CEP152: variants seen among roughly 807,000 people sequenced by gnomAD.
CEP152 encodes the protein centrosomal protein of 152 kDa.
CEP152 carries 132 observed loss-of-function variants against 188.9 expected under a neutral mutation model. That is an observed-to-expected ratio of 0.70 (90% CI 0.61 to 0.81). CEP152 has a LOEUF of 0.81. Among genes scored for constraint, CEP152 ranks in the 30% least tolerant of loss-of-function variants. The pLI is 0.00. For synonymous variants in CEP152, 649 were observed against 666.6 expected (o/e 0.97, Z 0.41); for missense variants, 1,914 against 1,969.8 (o/e 0.97, Z 0.54).
At chr15:48,766,703 G>A (rs946854015) in intron 17 of CEP152, among the ~76,000 whole-genome samples, 6 of 151,852 alleles carry the variant, frequency 4.0e-5, no homozygotes, top group Non-Finnish European at 5.9e-5. Flanking sequence ...TCCGTGCAGC[G>A]CTCACAGGAC....
chr15:48,803,521 A>C (rs982606807), intron 2 of CEP152, among the ~76,000 whole-genome samples: 2 of 152,212 alleles, frequency 1.3e-5, no homozygotes, highest in African/African-American at 4.8e-5. Flanking sequence ...ATTTTTATTA[A>C]CATGAAGTTT....
intron 2 of CEP152, among the ~76,000 whole-genome samples, chr15:48,731,184 G>A (rs1387413853): frequency 1.3e-5 from 2 of 152,184 alleles, no homozygotes; most frequent in Admixed American, 6.5e-5. Context: ...TACTCAAGAT[G>A]AAAACGTTCT....
At chr15:48,807,561 C>CAAAA (rs11320949) in intron 1 of CEP152, among the ~76,000 whole-genome samples, 1 of 109,126 alleles carries the variant, frequency 9.2e-6, no homozygotes, top group Admixed American at 8.6e-5. Context: ...GACTCCGTCT[C>CAAAA]AAAAAAAAAA....
chr15:48,765,218 T>G lies in CEP152; in HGVS notation c.2280+1842A>C, dbSNP rs990915424. Among the ~76,000 whole-genome samples, 3 of 152,130 alleles carry G rather than the reference T, an allele frequency of 2.0e-5. No homozygotes were observed. The South Asian group carries it at 6.2e-4, about 31-fold the overall frequency. The stretch of plus-strand genomic sequence containing the variant: ...GAGGGGTGGGTTTGGAGGAGGAGTG[T>G]AACCACAAAAAGATAGCAAAAGGGA... On this transcript the variant is annotated intron_variant, in intron 17 of 26. Coordinates refer to ENST00000380950, the MANE Select transcript of CEP152 (RefSeq NM_001194998.2).
Position 48,784,589 on chromosome 15 carries a change from C to T in CEP152, c.1174-469G>A, listed in dbSNP as rs149158904. Among the ~76,000 whole-genome samples the T allele has an allele frequency of 6.2e-3, 946 of 152,220 alleles. 10 individuals carry two copies. Among genetic ancestry groups the T allele is most frequent in the African/African-American group, 0.022 (912 of 41,536 alleles). On this transcript the variant is annotated intron_variant, in intron 9 of 26. Coordinates refer to ENST00000380950, the MANE Select transcript of CEP152 (RefSeq NM_001194998.2). The stretch of plus-strand genomic sequence containing the variant: ...ACTGTATTCTAAGCAGCCAAAAGTT[C>T]ATTCCATTAAGAGCAGCCAAAAAAT...
intron 9 of CEP152, 29 bp downstream of exon 9, chr15:48,788,772 A>G: frequency 6.3e-7 from 1 of 1,591,508 alleles, no homozygotes; most frequent in South Asian, 1.1e-5. Flanking sequence ...ACTTGTTGAT[A>G]ACAGTTGCTC....
chr15:48,792,402 G>T (rs1452118903), intron 7 of CEP152, among the ~76,000 whole-genome samples: 1 of 152,176 alleles, frequency 6.6e-6, no homozygotes, highest in Non-Finnish European at 1.5e-5. Context: ...TACAGAAAGA[G>T]ACATTTTTAC....
At chr15:48,770,549 T>C (rs2140775180) in intron 13 of CEP152, among the ~76,000 whole-genome samples, 1 of 152,228 alleles carries the variant, frequency 6.6e-6, no homozygotes, top group South Asian at 2.1e-4. Flanking sequence ...TGAGCTAAGG[T>C]TCAGACTCAA....
At chr15:48,740,993 T>C in intron 26 of CEP152, 1 of 971,586 alleles carries the variant, frequency 1.0e-6, no homozygotes, top group Non-Finnish European at 1.2e-6. Context: ...CACCCTCATA[T>C]GTGGAACAGT....
intron 8 of CEP152, among the ~76,000 whole-genome samples, chr15:48,790,349 A>G (rs1896920687): frequency 6.6e-6 from 1 of 152,224 alleles, no homozygotes; most frequent in African/African-American, 2.4e-5. Context: ...GAGTAATAGA[A>G]TATGGCATGA....
At chr15:48,777,975 T>C (rs1034776852) in intron 12 of CEP152, among the ~76,000 whole-genome samples, 1 of 152,230 alleles carries the variant, frequency 6.6e-6, no homozygotes, top group African/African-American at 2.4e-5. Context: ...CTGAGTCCCA[T>C]GGAAGTCAGT....
At chr15:48,770,420 G>C (rs915011210) in intron 13 of CEP152, among the ~76,000 whole-genome samples, 12 of 152,098 alleles carry the variant, frequency 7.9e-5, no homozygotes, top group African/African-American at 2.9e-4. Context: ...AGGAAAATGG[G>C]AAGGCTAAAA....
chr15:48,758,973 A>C (rs1894479129), intron 19 of CEP152, among the ~76,000 whole-genome samples: 1 of 152,078 alleles, frequency 6.6e-6, no homozygotes, highest in Non-Finnish European at 1.5e-5. Flanking sequence ...ACTCAACTTT[A>C]CTATTCTACT....
chr15:48,748,266 A>G (rs1354788703), intron 22 of CEP152, among the ~76,000 whole-genome samples, 177 bp downstream of exon 22: 5 of 152,192 alleles, frequency 3.3e-5, no homozygotes, highest in African/African-American at 9.6e-5. Context: ...TCAGAGCTGA[A>G]ATCTTCCTCT....
At chr15:48,753,200 G>A (rs759392486) in intron 20 of CEP152, among the ~76,000 whole-genome samples, 3 of 152,108 alleles carry the variant, frequency 2.0e-5, no homozygotes, top group Admixed American at 6.5e-5. Flanking sequence ...GGGCATTGGC[G>A]CGATCTCAGC....
rs758073888 is a variant in CEP152, at chr15:48,804,974, AC to A, written c.87+588del. ...TACACTCATTGGTGTTTTGGCGTAG[AC>A]TGCTCTTCCTCAGGCTTCTGCATGG... On this transcript the variant is annotated intron_variant, in intron 2 of 26. Transcript: ENST00000380950. Among the ~76,000 whole-genome samples the A allele has an allele frequency of 1.2e-4, 18 of 152,320 alleles. 1 individual carries two copies. The highest frequency in any genetic ancestry group is 2.1e-4 in the Non-Finnish European group (14 of 68,022).
At chr15:48,780,753 G>A (rs1209805379) in intron 12 of CEP152, among the ~76,000 whole-genome samples, 5 of 152,244 alleles carry the variant, frequency 3.3e-5, no homozygotes, top group South Asian at 2.1e-4. Flanking sequence ...CAGAAAACAC[G>A]TAAGCTCCCT....
intron 7 of CEP152, among the ~76,000 whole-genome samples, chr15:48,791,730 T>C (rs1422964640): frequency 6.6e-6 from 1 of 151,904 alleles, no homozygotes. Context: ...TTGGCCAGGC[T>C]AGTCTCGAAC....
chr15:48,779,235 G>A (rs1896104354), intron 12 of CEP152, among the ~76,000 whole-genome samples: 4 of 152,214 alleles, frequency 2.6e-5, no homozygotes, highest in Admixed American at 2.0e-4. Flanking sequence ...TAACTGACAT[G>A]TAAATATGAA....
Sources: gnomAD v4.1 joint callset for allele counts (sites outside exome capture counted in the v4.1 genomes callset) on GRCh38, gnomAD v4.1.1 for gene constraint, MANE v1.5 for transcripts, NCBI Gene and HGNC (gene_info 2026-07-23, HGNC 2026-07-21) for gene names.